The following ZNF398 variants were observed in gnomAD, a reference collection of about 807,000 sequenced individuals.
ZNF398 encodes zinc finger DNA binding protein ZER6.
A neutral mutation model predicts 41.9 loss-of-function variants in ZNF398; 18 were observed. The observed-to-expected ratio is 0.43, with a 90% CI of 0.30 to 0.64. ZNF398 has a LOEUF of 0.64. Ranked by LOEUF, ZNF398 falls within the 30% of genes least tolerant of loss-of-function variation. The pLI is 0.14. For missense variants in ZNF398, 669 were observed against 822.8 expected (o/e 0.81, Z 2.29); for synonymous variants, 260 against 308.8 (o/e 0.84, Z 1.66).
intron 2 of ZNF398, among the ~76,000 whole-genome samples, chr7:149,165,669 A>G (rs113802173): frequency 0.028 from 4,292 of 152,308 alleles, 94 homozygotes; most frequent in Non-Finnish European, 0.044. Flanking sequence ...GTCATCAGCC[A>G]TGGTATTATC....
intron 2 of ZNF398, among the ~76,000 whole-genome samples, chr7:149,135,246 C>A (rs112735720): frequency 1.3e-5 from 2 of 151,534 alleles, no homozygotes; most frequent in Non-Finnish European, 2.9e-5. Context: ...AAAAAATAGC[C>A]GGGCGTCGTG....
chr7:149,131,158 ACAT>A (rs1468001767), intron 2 of ZNF398, among the ~76,000 whole-genome samples: 1 of 152,214 alleles, frequency 6.6e-6, no homozygotes, highest in African/African-American at 2.4e-5. Flanking sequence ...GAAACCATAA[ACAT>A]CAGTTCTATA....
At chr7:149,132,194 C>CTT (rs35611997) in intron 2 of ZNF398, among the ~76,000 whole-genome samples, 9,421 of 113,292 alleles carry the variant, frequency 0.083, 461 homozygotes, top group Middle Eastern at 0.092. Flanking sequence ...TTCTCTCTCT[C>CTT]TTTTTTTTTT....
At chr7:149,164,726 G>C (rs1443736736) in intron 2 of ZNF398, among the ~76,000 whole-genome samples, 1 of 152,208 alleles carries the variant, frequency 6.6e-6, no homozygotes, top group East Asian at 1.9e-4. Flanking sequence ...GCTAGAATTT[G>C]AAAACAAGTT....
At chr7:149,146,336 A>G (rs1173692260), upstream of ZNF398, among the ~76,000 whole-genome samples, 1 of 152,140 alleles carries the variant, frequency 6.6e-6, no homozygotes, top group Admixed American at 6.6e-5. Context: ...CTTGGGCAAC[A>G]TAGCGAGACC....
Position 149,147,725 on chromosome 7 carries a change from G to C in ZNF398, c.-18G>C, listed in dbSNP as rs1457144849. The C allele has an allele frequency of 3.0e-6, 4 of 1,332,406 alleles. No homozygotes were observed. The highest frequency in any genetic ancestry group is 3.8e-6 in the Non-Finnish European group (4 of 1,043,514). 82.5% of individuals were successfully genotyped at this position (1,332,406 alleles called of 1,614,324 possible). Reference sequence around the variant, plus strand: ...AGCGGCGGCGACTTCCGAGGCCCGGGCTAGACAGCGCAGGGCCATGGCTGA... The same window carrying C: ...AGCGGCGGCGACTTCCGAGGCCCGGCCTAGACAGCGCAGGGCCATGGCTGA... On this transcript the variant is annotated 5_prime_UTR_variant, in exon 1 of 6. Transcript: ENST00000475153. This position sits in a 1 kb window ranked among gnomAD's most constrained non-coding sequence, Gnocchi z 5.6.
At position 149,154,069 on chromosome 7, in the gene ZNF398, T is replaced by A; in HGVS notation, c.149T>A (p.Val50Glu). The change falls in exon 2 of 6, where the codon GTG (valine) becomes GAG (glutamate). Residue 50 changes from valine (V) to glutamate (E), a missense_variant. Val to Glu is a moderately radical substitution (Grantham distance 121). Coordinates refer to ENST00000475153, the MANE Select transcript of ZNF398 (RefSeq NM_170686.3). ...TCTCTGTGGACAGTGGTGGCCGCCG[T>A]GCAGGCTATAGAGAGGAAGGTGGAG... The part of the protein sequence containing the change: ...AISLWTVVAA[V>E]QAIERKVEIH... The A allele has an allele frequency of 1.9e-6, 3 of 1,614,134 alleles. No individual in the cohort carries two copies. Among genetic ancestry groups the A allele is most frequent in the Non-Finnish European group, 1.7e-6 (2 of 1,180,020 alleles).
intron 2 of ZNF398, among the ~76,000 whole-genome samples, chr7:149,132,194 C>CTTTTT (rs35611997): frequency 8.8e-6 from 1 of 113,384 alleles, no homozygotes; most frequent in African/African-American, 3.2e-5. Flanking sequence ...TTCTCTCTCT[C>CTTTTT]TTTTTTTTTT....
chr7:149,126,444 C>T (rs1008860869), exon 1 of ZNF398: 24 of 709,178 alleles, frequency 3.4e-5, no homozygotes, highest in Non-Finnish European at 4.8e-5. Flanking sequence ...GCCCGGGCAC[C>T]CTCCGTGCGG....
At chr7:149,168,717 G>C (rs1795273619) in intron 4 of ZNF398, among the ~76,000 whole-genome samples, 1 of 151,834 alleles carries the variant, frequency 6.6e-6, no homozygotes, top group East Asian at 1.9e-4. Flanking sequence ...TCCACGCCCG[G>C]CTAATTTTTG....
intron 2 of ZNF398, among the ~76,000 whole-genome samples, chr7:149,158,206 T>C (rs1795026671): frequency 5.9e-5 from 9 of 151,660 alleles, no homozygotes; most frequent in Admixed American, 5.3e-4. Context: ...AAGTAGAGAG[T>C]TGTCATTTAT....
At chr7:149,138,137 G>T (rs1049961026) in intron 2 of ZNF398, among the ~76,000 whole-genome samples, 1 of 150,988 alleles carries the variant, frequency 6.6e-6, no homozygotes, top group Non-Finnish European at 1.5e-5. Context: ...GGAGGCAGAG[G>T]TTGTGATGAG....
At chr7:149,130,952 G>A (rs761966281) in intron 2 of ZNF398, among the ~76,000 whole-genome samples, 2 of 152,174 alleles carry the variant, frequency 1.3e-5, no homozygotes, top group Non-Finnish European at 2.9e-5. Context: ...ACAGGAAGCA[G>A]GTGGTGGGTT....
In ZNF398 at chr7:149,179,187, C is replaced by T. The variant is rs756226080; in HGVS notation, c.1315C>T (p.Gln439Ter). ...TGATTGCCCCAAGCGCTTTGCTGAC[C>T]AGGCTCGACTCACCAGCCACCGGAG... The part of the protein sequence containing the change: ...CPDCPKRFAD[Q>*]ARLTSHRRAH... Residue 439 changes from glutamine to a stop codon, truncating the protein, a stop_gained, in exon 6 of 6, where the codon CAG becomes TAG. Transcript: ENST00000475153. LOFTEE classifies it high-confidence loss of function. This position sits in a 1 kb window ranked among gnomAD's most constrained non-coding sequence, Gnocchi z 6.1. 3.7e-6 allele frequency: 6 copies of T among 1,613,664 alleles called. No individual in the cohort carries two copies. In the Admixed American group the frequency reaches 6.7e-5, roughly 18 times the overall value.
At chr7:149,170,535 A>G (rs372739604) in intron 4 of ZNF398, among the ~76,000 whole-genome samples, 1 of 152,030 alleles carries the variant, frequency 6.6e-6, no homozygotes, top group African/African-American at 2.4e-5. Flanking sequence ...GGAGATAGAG[A>G]CCATTCTGGC....
chr7:149,159,989 G>A (rs927719717), intron 2 of ZNF398, among the ~76,000 whole-genome samples: 5 of 152,036 alleles, frequency 3.3e-5, no homozygotes, highest in African/African-American at 1.2e-4. Flanking sequence ...GCCTCCCAAA[G>A]TTCTGGGACT....
intron 4 of ZNF398, among the ~76,000 whole-genome samples, chr7:149,174,639 A>G (rs1217226632): frequency 6.6e-6 from 1 of 152,168 alleles, no homozygotes; most frequent in Non-Finnish European, 1.5e-5. Flanking sequence ...AGCCTAAGCA[A>G]CATAGTGAGA....
chr7:149,179,191 C>G lies in ZNF398; in HGVS notation c.1319C>G (p.Ala440Gly). 2 of 1,613,560 alleles carry G rather than the reference C, an allele frequency of 1.2e-6. No homozygotes were observed. Among genetic ancestry groups the G allele is most frequent in the Non-Finnish European group, 1.7e-6 (2 of 1,179,996 alleles). ...TGCCCCAAGCGCTTTGCTGACCAGG[C>G]TCGACTCACCAGCCACCGGAGAGCT... is the stretch of plus-strand genomic sequence containing the variant. ...PDCPKRFADQ[A>G]RLTSHRRAHA... The change falls in exon 6 of 6, where the codon GCT becomes GGT. Residue 440 changes from alanine to glycine, a missense_variant. Physicochemically the swap from Ala to Gly is moderately conservative, Grantham distance 60. Transcript: ENST00000475153. This position sits in a 1 kb window ranked among gnomAD's most constrained non-coding sequence, Gnocchi z 6.1.
At chr7:149,157,669 C>G (rs960184762) in intron 2 of ZNF398, among the ~76,000 whole-genome samples, 1 of 151,718 alleles carries the variant, frequency 6.6e-6, no homozygotes, top group African/African-American at 2.4e-5. Context: ...GAAATCCCGT[C>G]TCTACTAAAA....
Sources: gnomAD v4.1 joint callset for allele counts (sites outside exome capture counted in the v4.1 genomes callset) on GRCh38, gnomAD v4.1.1 for gene constraint, Gnocchi (gnomAD v3.1) non-coding constraint, MANE v1.5 for transcripts, NCBI Gene and HGNC (gene_info 2026-07-23, HGNC 2026-07-21) for gene names.